The following CHN1 variants were observed in gnomAD, a reference collection of about 807,000 sequenced individuals.
The protein encoded by CHN1 is chimerin 1.
CHN1 carries 37 observed loss-of-function variants against 59.5 expected under a neutral mutation model. The observed-to-expected ratio is 0.62, with a 90% CI of 0.48 to 0.82. CHN1 has a LOEUF of 0.82. Among genes scored for constraint, CHN1 ranks in the 40% least tolerant of loss-of-function variants. The pLI is 0.00. For missense variants in CHN1, 469 were observed against 571.0 expected (o/e 0.82, Z 1.82); for synonymous variants, 206 against 200.4 (o/e 1.03, Z -0.24).
intron 2 of CHN1, among the ~76,000 whole-genome samples, chr2:174,945,728 A>C (rs1400983019): frequency 1.3e-5 from 2 of 152,102 alleles, no homozygotes; most frequent in African/African-American, 2.4e-5. Flanking sequence ...TAAATACTTA[A>C]GATATTTTGT....
In CHN1 at chr2:174,878,002, C is replaced by T. The variant is rs1459623046; in HGVS notation, c.387G>A (p.Lys129=). ...TCATCTTGGCAATGTATTCTGCTGC[C>T]TTGGTTTCAATATAGAGAGTAATCA... ...DGLITLYIET[K]AAEYIAKMTI... Residue 129 remains lysine, a synonymous_variant, in exon 6 of 13, where the codon AAG becomes AAA. Coordinates refer to ENST00000409900, the MANE Select transcript of CHN1 (RefSeq NM_001822.7). The T allele has an allele frequency of 6.2e-7, 1 of 1,613,798 alleles. No homozygotes were observed. Among genetic ancestry groups the T allele is most frequent in the Non-Finnish European group, 8.5e-7 (1 of 1,179,810 alleles).
At chr2:174,905,872 T>A (rs1411166167) in intron 5 of CHN1, among the ~76,000 whole-genome samples, 2 of 152,194 alleles carry the variant, frequency 1.3e-5, no homozygotes, top group Non-Finnish European at 1.5e-5. Flanking sequence ...AAAAATGTTT[T>A]TAAATGAAAT....
chr2:174,884,594 T>C (rs186224354), intron 5 of CHN1, among the ~76,000 whole-genome samples: 20 of 152,304 alleles, frequency 1.3e-4, no homozygotes, highest in Admixed American at 1.1e-3. Context: ...CTACAACATA[T>C]AAATCCTACT....
intron 1 of CHN1, among the ~76,000 whole-genome samples, chr2:174,985,852 A>G (rs1485030311): frequency 6.6e-6 from 1 of 152,228 alleles, no homozygotes; most frequent in African/African-American, 2.4e-5. Context: ...TCCATAAGTT[A>G]AGGAAAAACA....
chr2:174,900,876 A>G (rs1353384220), intron 5 of CHN1, among the ~76,000 whole-genome samples: 1 of 152,178 alleles, frequency 6.6e-6, no homozygotes, highest in Admixed American at 6.5e-5. Flanking sequence ...AATGGAATAA[A>G]TTTTATAAAA....
intron 1 of CHN1, among the ~76,000 whole-genome samples, chr2:174,956,653 C>T (rs1402631255): frequency 6.6e-6 from 1 of 151,594 alleles, no homozygotes; most frequent in African/African-American, 2.4e-5. Context: ...GTACCTGTAC[C>T]CCAGCTACTC....
chr2:174,921,495 A>G (rs1011654796), intron 3 of CHN1, among the ~76,000 whole-genome samples: 2 of 152,100 alleles, frequency 1.3e-5, no homozygotes, highest in African/African-American at 4.8e-5. Flanking sequence ...TAAATTTTTA[A>G]TATGTGTTCA....
chr2:174,878,505 A>AT (rs1465119169), intron 5 of CHN1, among the ~76,000 whole-genome samples: 14 of 152,148 alleles, frequency 9.2e-5, no homozygotes, highest in Non-Finnish European at 1.6e-4. Flanking sequence ...CTATACTAAC[A>AT]TTTTTTCTTC....
Position 175,005,062 on chromosome 2 carries a change from G to GC in CHN1, c.-151dup. 1 of 1,345,826 alleles carries GC rather than the reference G, an allele frequency of 7.4e-7. No individual in the cohort carries two copies. The highest frequency in any genetic ancestry group is 3.3e-5 in the Admixed American group (1 of 30,458). 83.4% of individuals were successfully genotyped at this position (1,345,826 alleles called of 1,614,324 possible). ...GCGCCGGCGCCCGGGGAGGCTGCAG[G>GC]CCGGGACGCGGGGGACCGCTGCAAG... On this transcript the variant is annotated 5_prime_UTR_variant, in exon 1 of 13. Coordinates refer to ENST00000409900, the MANE Select transcript of CHN1 (RefSeq NM_001822.7).
intron 7 of CHN1, among the ~76,000 whole-genome samples, chr2:174,829,181 T>C (rs1685788546): frequency 1.3e-5 from 2 of 152,358 alleles, no homozygotes; most frequent in South Asian, 4.1e-4. Context: ...TTTTAACCTG[T>C]GAACAACTCC....
intron 1 of CHN1, among the ~76,000 whole-genome samples, chr2:174,956,161 C>T (rs890632917): frequency 6.6e-6 from 1 of 152,018 alleles, no homozygotes; most frequent in African/African-American, 2.4e-5. Flanking sequence ...TCACTAGAAA[C>T]CATAAAAGCA....
At chr2:174,966,373 A>G (rs1690591522) in intron 1 of CHN1, among the ~76,000 whole-genome samples, 1 of 152,168 alleles carries the variant, frequency 6.6e-6, no homozygotes. Flanking sequence ...CTGTGCAACT[A>G]CAGTGCTCAC....
chr2:174,876,628 G>A (rs540359930), intron 6 of CHN1, among the ~76,000 whole-genome samples: 54 of 152,124 alleles, frequency 3.5e-4, no homozygotes, highest in Admixed American at 7.2e-4. Flanking sequence ...TGTTTTCTCC[G>A]TAGCAACAAA....
chr2:174,983,254 G>C (rs6748495), intron 1 of CHN1, among the ~76,000 whole-genome samples: 6,455 of 152,064 alleles, frequency 0.042, 488 homozygotes, highest in African/African-American at 0.15. Flanking sequence ...CTTATGCATT[G>C]TATATTTTAT....
At chr2:174,962,154 G>A (rs967731718) in intron 1 of CHN1, among the ~76,000 whole-genome samples, 9 of 151,658 alleles carry the variant, frequency 5.9e-5, no homozygotes, top group South Asian at 2.1e-4. Context: ...GCGGGGTGGC[G>A]CGCGCCTATA....
intron 6 of CHN1, among the ~76,000 whole-genome samples, chr2:174,865,898 GT>G (rs1687202994): frequency 6.6e-6 from 1 of 152,170 alleles, no homozygotes; most frequent in South Asian, 2.1e-4. Flanking sequence ...AAGGGACCTT[GT>G]GGTCATCTAT....
At chr2:174,952,095 A>C in intron 2 of CHN1, 69 bp downstream of exon 2, 3 of 958,000 alleles carry the variant, frequency 3.1e-6, no homozygotes, top group Non-Finnish European at 4.3e-6. Context: ...GAGTATTTCT[A>C]TCTAATAATC....
intron 1 of CHN1, among the ~76,000 whole-genome samples, chr2:174,978,811 C>A (rs1444387633): frequency 2.0e-5 from 3 of 152,174 alleles, no homozygotes; most frequent in Admixed American, 2.0e-4. Context: ...TTTGTCCTTC[C>A]AGACTGACCA....
chr2:174,899,897 G>A (rs924467631), intron 5 of CHN1, among the ~76,000 whole-genome samples: 2 of 152,152 alleles, frequency 1.3e-5, no homozygotes, highest in African/African-American at 4.8e-5. Context: ...TGAGGCATTA[G>A]TGTTATCTGT....
Sources: gnomAD v4.1 joint callset for allele counts (sites outside exome capture counted in the v4.1 genomes callset) on GRCh38, gnomAD v4.1.1 for gene constraint, MANE v1.5 for transcripts, NCBI Gene and HGNC (gene_info 2026-07-23, HGNC 2026-07-21) for gene names.